Variants in ANAPC5 observed in about 807,000 individuals in gnomAD.
The protein encoded by ANAPC5 is anaphase promoting complex subunit 5.
Under a neutral mutation model 91.3 loss-of-function variants are expected in ANAPC5, and 60 were observed. The observed-to-expected ratio is 0.66, with a 90% CI of 0.53 to 0.81. The LOEUF (loss-of-function observed/expected upper bound fraction) is 0.81. ANAPC5 is among the 40% of genes least tolerant of loss of function. The probability of loss-of-function intolerance (pLI) is 0.00; values close to 1 mark genes in which losing one functional copy is unlikely to be tolerated. For synonymous variants in ANAPC5, 340 were observed against 364.1 expected, an observed-to-expected ratio of 0.93 and a Z score of 0.75; for missense variants, 690 against 931.5, an observed-to-expected ratio of 0.74 and a Z score of 3.37.
At chr12:121,339,929 T>G (rs2136805382) in intron 5 of ANAPC5, among the ~76,000 whole-genome samples, 1 of 138,418 alleles carries the variant, frequency 7.2e-6, no homozygotes, top group African/African-American at 2.8e-5. Context: ...CAGGCTGGAG[T>G]GCAGTGGTGT....
At chr12:121,338,920 T>C (rs1555273791) in intron 5 of ANAPC5, among the ~76,000 whole-genome samples, 27 of 152,040 alleles carry the variant, frequency 1.8e-4, no homozygotes, top group Non-Finnish European at 7.4e-5. Flanking sequence ...ATACAGGGTG[T>C]ATTCCAAATT....
chr12:121,329,605 A>G (rs1197807444), intron 9 of ANAPC5, among the ~76,000 whole-genome samples: 4 of 149,808 alleles, frequency 2.7e-5, no homozygotes, highest in Non-Finnish European at 5.9e-5. Context: ...AGGTTCTCCA[A>G]GCTTGTGCTT....
At chr12:121,323,900 G>A (rs369743249) in intron 11 of ANAPC5, among the ~76,000 whole-genome samples, 12 of 152,206 alleles carry the variant, frequency 7.9e-5, no homozygotes, top group African/African-American at 2.2e-4. Flanking sequence ...TATTCCCATC[G>A]TGGCCTGCAA....
At chr12:121,312,642 G>A (rs1902209692) in intron 15 of ANAPC5, among the ~76,000 whole-genome samples, 1 of 149,536 alleles carries the variant, frequency 6.7e-6, no homozygotes, top group Admixed American at 6.7e-5. Context: ...GGGAGGCAGA[G>A]GATGCAGTGA....
chr12:121,352,445 C>A, upstream of ANAPC5: 1 of 923,176 alleles, frequency 1.1e-6, no homozygotes, highest in Non-Finnish European at 1.6e-6. Flanking sequence ...CACAATATCC[C>A]AGGAAACAGA....
intron 7 of ANAPC5, chr12:121,334,654 A>G (rs185139063): frequency 1.3e-5 from 2 of 152,370 alleles, no homozygotes; most frequent in Admixed American, 1.3e-4. Context: ...ACAGAGGCAC[A>G]CTGAGGCAAC....
upstream of ANAPC5, among the ~76,000 whole-genome samples, chr12:121,352,718 T>TTGTTGGTGGTGGTGGTGG (rs71079056): frequency 2.8e-4 from 29 of 102,440 alleles, 1 homozygote; most frequent in South Asian, 7.5e-4. Flanking sequence ...GTTGTTGTTG[T>TTGTTGGTGGTGGTGGTGG]TGGTGGTGGT....
intron 4 of ANAPC5, among the ~76,000 whole-genome samples, chr12:121,345,401 A>T (rs954655792): frequency 1.3e-5 from 2 of 152,180 alleles, no homozygotes; most frequent in Non-Finnish European, 2.9e-5. Flanking sequence ...AATTGACAAA[A>T]GTAGGGGAAA....
At chr12:121,328,802 C>T (rs1290563057) in intron 9 of ANAPC5, 2 of 259,194 alleles carry the variant, frequency 7.7e-6, no homozygotes, top group African/African-American at 2.2e-5. Flanking sequence ...CACTTAGCTT[C>T]TTAGCTAAGC....
intron 16 of ANAPC5, 141 bp from the exon 17 acceptor site, chr12:121,308,832 A>C: frequency 1.3e-6 from 1 of 752,610 alleles, no homozygotes. Flanking sequence ...AGAAAAAACA[A>C]ACCACTAGGG....
chr12:121,316,220 T>C (rs1431135184), intron 15 of ANAPC5, among the ~76,000 whole-genome samples: 1 of 152,002 alleles, frequency 6.6e-6, no homozygotes, highest in Non-Finnish European at 1.5e-5. Flanking sequence ...ATTAGAGAAG[T>C]GCATATCAAA....
intron 11 of ANAPC5, among the ~76,000 whole-genome samples, chr12:121,323,884 C>A (rs974279537): frequency 6.6e-6 from 1 of 151,962 alleles, no homozygotes; most frequent in African/African-American, 2.4e-5. Flanking sequence ...CAGTATCCCC[C>A]AAAAATATTC....
At chr12:121,345,419 G>C (rs1903625481) in intron 4 of ANAPC5, among the ~76,000 whole-genome samples, 2 of 152,158 alleles carry the variant, frequency 1.3e-5, no homozygotes, top group Admixed American at 1.3e-4. Flanking sequence ...AAAGGACAGA[G>C]AAGTCATAAG....
chr12:121,342,006 T>C lies in ANAPC5; in HGVS notation c.654A>G (p.Gln218=), dbSNP rs61757697. 2.5e-6 allele frequency: 4 copies of C among 1,609,304 alleles called. No homozygotes were observed. The highest frequency in any genetic ancestry group is 1.3e-5 in the African/African-American group (1 of 74,770). Residue 218 remains glutamine (Q), a synonymous_variant, in exon 5 of 17, where the codon CAA becomes CAG. Transcript: ENST00000261819. The surrounding 1 kb of genome is among the most constrained non-coding windows in gnomAD (Gnocchi z 4.1). ...ATAAATTACAGAATTCACATACCTGTTGAGAAAGAAAAAATTCTGCTTGTT... is the reference window on the plus strand; with the variant it reads ...ATAAATTACAGAATTCACATACCTGCTGAGAAAGAAAAAATTCTGCTTGTT... ...SQKQAEFFLS[Q]QASLLKNDET...
chr12:121,330,903 G>A (rs1252780129), intron 8 of ANAPC5: 2 of 456,412 alleles, frequency 4.4e-6, no homozygotes, highest in Admixed American at 7.8e-5. Context: ...GCCACTGAGT[G>A]GCAGGTGTTT....
Position 121,309,721 on chromosome 12 carries a change from T to C in ANAPC5, c.2036A>G (p.Asp679Gly), listed in dbSNP as rs1265573973. ...KCQVASAASY[D>G]QPKKAEALEA... ...CCTACCTTCTGCTTTCTTCGGCTGATCGTAGGAAGCTGCTGAAGCCACCTG... is the reference window on the plus strand; with the variant it reads ...CCTACCTTCTGCTTTCTTCGGCTGACCGTAGGAAGCTGCTGAAGCCACCTG... The change falls in exon 16 of 17, where the codon GAT becomes GGT. Residue 679 changes from aspartate to glycine, a missense_variant. By Grantham distance (94) the Asp-to-Gly change is moderately conservative (BLOSUM62 -1). Around this residue, in one of 5 missense-constraint regions of ANAPC5, gnomAD observed 317 missense variants for 438.7 expected, o/e 0.72. Coordinates refer to ENST00000261819, the MANE Select transcript of ANAPC5 (RefSeq NM_016237.5). 2.5e-6 allele frequency: 4 copies of C among 1,614,040 alleles called. No individual in the cohort carries two copies. In the Admixed American group the frequency reaches 5.0e-5, roughly 20 times the overall value.
intron 15 of ANAPC5, among the ~76,000 whole-genome samples, chr12:121,317,608 C>G (rs754571091): frequency 6.6e-6 from 1 of 152,032 alleles, no homozygotes; most frequent in Non-Finnish European, 1.5e-5. Context: ...TAGTAAGAAA[C>G]AGATTCCTTA....
chr12:121,325,416 T>C (rs1902770943), intron 11 of ANAPC5, among the ~76,000 whole-genome samples: 1 of 150,888 alleles, frequency 6.6e-6, no homozygotes, highest in African/African-American at 2.5e-5. Context: ...TGAGCTGAGA[T>C]CACACCATTG....
At chr12:121,333,658 C>T (rs1170569715) in intron 7 of ANAPC5, 1 of 152,176 alleles carries the variant, frequency 6.6e-6, no homozygotes, top group African/African-American at 2.4e-5. Context: ...GGCCTCAGCA[C>T]CTCACTGACA....
Sources: gnomAD v4.1 joint callset for allele counts (sites outside exome capture counted in the v4.1 genomes callset) on GRCh38, gnomAD v4.1.1 for gene constraint, gnomAD v4.1.1 regional missense constraint, Gnocchi (gnomAD v3.1) non-coding constraint, MANE v1.5 for transcripts, NCBI Gene and HGNC (gene_info 2026-07-23, HGNC 2026-07-21) for gene names.